LARP7: variants seen among roughly 807,000 people sequenced by gnomAD.
The protein encoded by LARP7 is la-related protein 7.
LARP7 carries 52 observed loss-of-function variants against 69.3 expected under a neutral mutation model. That is an observed-to-expected ratio of 0.75 (90% CI 0.60 to 0.95). The LOEUF is 0.95. Ranked by LOEUF, LARP7 falls within the 40% of genes least tolerant of loss-of-function variation. The pLI, the probability that LARP7 is intolerant of heterozygous loss-of-function variation, is 0.00. For missense variants in LARP7, 733 were observed against 673.0 expected, an observed-to-expected ratio of 1.09 and a Z score of -0.99; for synonymous variants, 254 against 215.9, an observed-to-expected ratio of 1.18 and a Z score of -1.55.
chr4:112,649,597 T>A lies in LARP7; in HGVS notation c.1205T>A (p.Leu402Ter). 1.2e-6 allele frequency: 2 copies of A among 1,603,550 alleles called. No individual in the cohort carries two copies. Among genetic ancestry groups the A allele is most frequent in the South Asian group, 1.1e-5 (1 of 90,124 alleles). ...CTACAAAAAGCTAGCATGGCTTCTT[T>A]AAAAAAAACAATATCCCAAATAAAA... ...LALQKASMASLKKTISQIKSE... is the reference protein window; with the variant it reads ...LALQKASMAS The change falls in exon 9 of 13, where the codon TTA becomes TAA. Residue 402 changes from leucine (L) to a stop codon, truncating the protein, a stop_gained. Transcript: ENST00000344442. LOFTEE classifies it high-confidence loss of function.
chr4:112,647,221 GAAGA>G lies in LARP7; in HGVS notation c.673_676del (p.Lys225AlafsTer3), dbSNP rs770122563. 17 of 1,593,514 alleles carry G rather than the reference GAAGA, an allele frequency of 1.1e-5. No individual in the cohort carries two copies. The highest frequency in any genetic ancestry group is 3.7e-5 in the Admixed American group (2 of 53,736). ...CAGAAGAGAAGAAAAAGAAAAAGAA[GAAGA>G]AAGGCCGAATGAAAAAGGAAGACAA... is the stretch of plus-strand genomic sequence containing the variant. On this transcript the variant is annotated frameshift_variant, in exon 7 of 13. Transcript: ENST00000344442. LOFTEE classifies it high-confidence loss of function.
rs2048349114 is a variant in LARP7, at chr4:112,647,366, TGCTCAAAGAAAAA to T, written c.816_828del (p.Cys272Ter). On this transcript the variant is annotated frameshift_variant, in exon 7 of 13. Coordinates refer to ENST00000344442, the MANE Select transcript of LARP7 (RefSeq NM_016648.4). LOFTEE classifies it high-confidence loss of function. ...TGAGTCCACTGAACCCCAAAAGCAG[TGCTCAAAGAAAAA>T]GAAAAAACGGGACAGAGTTGAAGCA... The T allele has an allele frequency of 1.9e-6, 3 of 1,613,828 alleles. No homozygotes were observed. In the East Asian group the frequency reaches 6.7e-5, roughly 36 times the overall value.
chr4:112,654,302 G>A (rs931899958), intron 12 of LARP7, 143 bp downstream of exon 12: 7 of 508,052 alleles, frequency 1.4e-5, no homozygotes. Flanking sequence ...TTTTAGGTTG[G>A]GAGGGAAAAG....
In LARP7 at chr4:112,649,721, T is replaced by C. The variant is rs370846196; in HGVS notation, c.1294+35T>C. ...ACTGATAGTTTTGACAACATTATAA[T>C]GTACTTATATATGTAAATGCTATCT... On this transcript the variant is annotated intron_variant, in intron 9 of 12. Transcript: ENST00000344442. The C allele has an allele frequency of 1.1e-5, 15 of 1,417,494 alleles. No homozygotes were observed. In the African/African-American group the frequency reaches 1.9e-4, roughly 18 times the overall value. 87.8% of individuals were successfully genotyped at this position (1,417,494 alleles called of 1,614,324 possible). A position where few individuals can be genotyped will look rare whatever the true frequency, so the allele number is the denominator to read the frequency against.
chr4:112,647,315 A>T lies in LARP7; in HGVS notation c.763A>T (p.Arg255Ter). 6.2e-7 allele frequency: 1 copy of T among 1,614,128 alleles called. No individual in the cohort carries two copies. Among genetic ancestry groups the T allele is most frequent in the Non-Finnish European group, 8.5e-7 (1 of 1,180,028 alleles). Reference sequence around the variant, plus strand: ...CAGCATCAGTAAAATGAAAAGATCCAGACCCACATCTGAGGGCTCTGACAT... The same window carrying T: ...CAGCATCAGTAAAATGAAAAGATCCTGACCCACATCTGAGGGCTCTGACAT... Reference protein sequence around the residue: ...NTSISKMKRSRPTSEGSDIES... With the variant: ...NTSISKMKRS The change falls in exon 7 of 13, where the codon AGA (arginine) becomes TGA (stop). Residue 255 changes from arginine (R) to a stop codon, truncating the protein, a stop_gained. Coordinates refer to ENST00000344442, the MANE Select transcript of LARP7 (RefSeq NM_016648.4). LOFTEE classifies it high-confidence loss of function.
In LARP7 at chr4:112,647,546, A is replaced by G. The variant is rs2048362181; in HGVS notation, c.994A>G (p.Arg332Gly). 6.3e-7 allele frequency: 1 copy of G among 1,594,572 alleles called. No homozygotes were observed. The highest frequency in any genetic ancestry group is 1.8e-5 in the Admixed American group (1 of 55,612). The change falls in exon 7 of 13, where the codon AGA (arginine) becomes GGA (glycine). Residue 332 changes from arginine (R) to glycine (G), a missense_variant. Transcript: ENST00000344442. ...AGCATCAGAAGCTTCCAAGGAAAAT[A>G]GAGGTAAAACTACAAGGTTTTAATT... The part of the protein sequence containing the change: ...KEASEASKEN[R>G]DIEISTEEEK...
At chr4:112,654,257 A>G (rs1429777620) in intron 12 of LARP7, 98 bp downstream of exon 12, 3 of 800,708 alleles carry the variant, frequency 3.7e-6, no homozygotes, top group East Asian at 5.2e-5. Flanking sequence ...TAGTTTTGCT[A>G]TTACCTAACA....
At chr4:112,648,032 T>C in intron 8 of LARP7, 198 bp downstream of exon 8, 2 of 670,082 alleles carry the variant, frequency 3.0e-6, no homozygotes, top group Non-Finnish European at 5.7e-6. Context: ...GCACTTATTT[T>C]TGTCATGTCA....
At chr4:112,645,534 C>G (rs1211701057) in intron 2 of LARP7, 5 of 456,026 alleles carry the variant, frequency 1.1e-5, no homozygotes, top group Non-Finnish European at 2.2e-5. Context: ...GAGGCAAGGT[C>G]TATCTTTTTT....
chr4:112,657,015 G>A (rs1476627574), intron 12 of LARP7, among the ~76,000 whole-genome samples: 1 of 151,850 alleles, frequency 6.6e-6, no homozygotes, highest in Non-Finnish European at 1.5e-5. Context: ...TTTATGTAAG[G>A]GTGTAAGAAA....
chr4:112,655,016 A>C (rs948104351), intron 12 of LARP7, among the ~76,000 whole-genome samples: 2 of 151,914 alleles, frequency 1.3e-5, no homozygotes, highest in Non-Finnish European at 2.9e-5. Context: ...AAAAAAAAAA[A>C]AACTAACTTA....
Position 112,650,454 on chromosome 4 carries a change from T to A in LARP7, c.1295-7T>A. The A allele has an allele frequency of 6.2e-7, 1 of 1,613,560 alleles. No homozygotes were observed. The highest frequency in any genetic ancestry group is 8.5e-7 in the Non-Finnish European group (1 of 1,179,626). On this transcript the variant is annotated splice_polypyrimidine_tract_variant and splice_region_variant and intron_variant, in intron 9 of 12. Transcript: ENST00000344442. The stretch of plus-strand genomic sequence containing the variant: ...TTTAGTCCTGGTCTTTTTCCTTTTC[T>A]AATCAGCAGCCAACAGGGAAGAGTG...
In LARP7 at chr4:112,652,292, TTCCC is replaced by T. The variant is rs1211703055; in HGVS notation, c.1417-784_1417-781del. On this transcript the variant is annotated intron_variant, in intron 10 of 12. Coordinates refer to ENST00000344442, the MANE Select transcript of LARP7 (RefSeq NM_016648.4). Reference sequence around the variant, plus strand: ...GAAAGGGAGGCAAGATAAATAAGATTTCCCCCCCCCCCCCATTTAGCAATCTCCA... The same window carrying T: ...GAAAGGGAGGCAAGATAAATAAGATTCCCCCCCCCCATTTAGCAATCTCCA... Among the ~76,000 whole-genome samples the T allele has an allele frequency of 2.4e-3, 290 of 122,792 alleles. 7 individuals carry two copies. The highest frequency in any genetic ancestry group is 0.01 in the African/African-American group (275 of 26,264). The allele number at this position is 122,792 out of a possible 152,430, so 80.6% of individuals were successfully genotyped here.
chr4:112,643,706 G>C (rs998337439), intron 1 of LARP7, among the ~76,000 whole-genome samples: 1 of 152,018 alleles, frequency 6.6e-6, no homozygotes, highest in South Asian at 2.1e-4. Context: ...AAATTAGCCG[G>C]GTGTGATTGG....
chr4:112,648,398 C>T (rs756098665), intron 8 of LARP7: 18 of 534,572 alleles, frequency 3.4e-5, no homozygotes, highest in Admixed American at 9.7e-5. Flanking sequence ...ACTTTTGTTT[C>T]ACACAGCAGG....
chr4:112,646,089 C>T (rs2048207396), intron 2 of LARP7, among the ~76,000 whole-genome samples: 1 of 151,932 alleles, frequency 6.6e-6, no homozygotes, highest in African/African-American at 2.4e-5. Flanking sequence ...AAGCGATTCT[C>T]CTACCTCACT....
At position 112,657,460 on chromosome 4, in the gene LARP7, T is replaced by C; in HGVS notation, c.*133T>C. ...AGAAATATCTTTGTTCCTCAACTTGTAAATAAGACTTTTTTCTAGAGACAA... is the reference window on the plus strand; with the variant it reads ...AGAAATATCTTTGTTCCTCAACTTGCAAATAAGACTTTTTTCTAGAGACAA... On this transcript the variant is annotated 3_prime_UTR_variant, in exon 13 of 13. Transcript: ENST00000344442. 1 of 417,318 alleles carries C rather than the reference T, an allele frequency of 2.4e-6. No individual in the cohort carries two copies. The allele number at this position is 417,318 out of a possible 1,614,324, so 25.9% of individuals were successfully genotyped here.
At position 112,646,348 on chromosome 4, in the gene LARP7, T is replaced by G. The variant is rs201651306; in HGVS notation, c.203-3T>G. ...AACATATTAACTTTTTCATTTTCTT[T>G]AGATGTTGATATATCACTACTTGTG... On this transcript the variant is annotated splice_region_variant and splice_polypyrimidine_tract_variant and intron_variant, in intron 2 of 12. Transcript: ENST00000344442. 1.1e-4 allele frequency: 143 copies of G among 1,348,462 alleles called. No homozygotes were observed. In the Admixed American group the frequency reaches 1.5e-3, roughly 14 times the overall value. The allele number at this position is 1,348,462 out of a possible 1,614,324, so 83.5% of individuals were successfully genotyped here. A position where few individuals can be genotyped will look rare whatever the true frequency, so the allele number is the denominator to read the frequency against.
At chr4:112,650,114 G>C (rs888067247) in intron 9 of LARP7, 1 of 188,520 alleles carries the variant, frequency 5.3e-6, no homozygotes, top group African/African-American at 2.4e-5. Context: ...GTTCACGTTT[G>C]AATAATAATG....
Sources: gnomAD v4.1 joint callset for allele counts (sites outside exome capture counted in the v4.1 genomes callset) on GRCh38, gnomAD v4.1.1 for gene constraint, MANE v1.5 for transcripts, NCBI Gene and HGNC (gene_info 2026-07-23, HGNC 2026-07-21) for gene names.